MAPRE2: variants seen among roughly 807,000 people sequenced by gnomAD.
MAPRE2 encodes the protein microtubule-associated protein RP/EB family member 2.
A neutral mutation model predicts 43.2 loss-of-function variants in MAPRE2; 13 were observed. The observed-to-expected ratio is 0.30, with a 90% CI of 0.20 to 0.48. The LOEUF is 0.48. Ranked by LOEUF, MAPRE2 falls within the 20% of genes least tolerant of loss-of-function variation. MAPRE2 has a pLI of 0.99. For synonymous variants in MAPRE2, 135 were observed against 148.8 expected (o/e 0.91, Z 0.68); for missense variants, 161 against 400.2 (o/e 0.40, Z 5.10).
chr18:35,017,244 G>GTTTT (rs140257488), intron 2 of MAPRE2, among the ~76,000 whole-genome samples: 29 of 126,262 alleles, frequency 2.3e-4, no homozygotes, highest in African/African-American at 5.3e-4. Flanking sequence ...CGGTTTTGTT[G>GTTTT]TTTTTTTTTT....
chr18:35,123,935 C>T (rs961450465), intron 4 of MAPRE2, among the ~76,000 whole-genome samples: 1 of 152,180 alleles, frequency 6.6e-6, no homozygotes, highest in African/African-American at 2.4e-5. Context: ...TGTACCACAA[C>T]AGTGGAAAGT....
intron 2 of MAPRE2, among the ~76,000 whole-genome samples, chr18:35,092,802 A>G (rs1297503814): frequency 1.3e-5 from 2 of 152,216 alleles, no homozygotes; most frequent in Non-Finnish European, 2.9e-5. Flanking sequence ...ACATTTCTCA[A>G]AAGAAAACAT....
intron 4 of MAPRE2, among the ~76,000 whole-genome samples, chr18:35,102,615 T>C (rs945215865): frequency 6.6e-6 from 1 of 152,174 alleles, no homozygotes; most frequent in Non-Finnish European, 1.5e-5. Flanking sequence ...CTACCTCCTC[T>C]GTAGGCAGTG....
In MAPRE2 at chr18:34,998,772, A is replaced by ATTTTTTTTTTTTTTTTT. The variant is rs67933808; in HGVS notation, c.-69-6708_-69-6692dup. The stretch of plus-strand genomic sequence containing the variant: ...GCCACTGAGCCTGGCCGAAGTTGCA[A>ATTTTTTTTTTTTTTTTT]TTTTTTTTTTTTTTTTTTTTTTTTT... On this transcript the variant is annotated intron_variant, in intron 1 of 7. Transcript: ENST00000413393. Among the ~76,000 whole-genome samples the ATTTTTTTTTTTTTTTTT allele has an allele frequency of 4.1e-4, 38 of 93,724 alleles. 3 individuals carry two copies. The highest frequency in any genetic ancestry group is 1.4e-3 in the African/African-American group (29 of 20,168). 61.5% of individuals were successfully genotyped at this position (93,724 alleles called of 152,430 possible). A position where few individuals can be genotyped will look rare whatever the true frequency, so the allele number is the denominator to read the frequency against.
At chr18:35,044,792 G>A (rs1433395686) in intron 1 of MAPRE2, among the ~76,000 whole-genome samples, 2 of 152,106 alleles carry the variant, frequency 1.3e-5, no homozygotes, top group Non-Finnish European at 2.9e-5. Flanking sequence ...TTGTTAATGG[G>A]CAAGCAGTCA....
chr18:35,043,998 G>A (rs1209449029), intron 1 of MAPRE2, among the ~76,000 whole-genome samples: 1 of 152,144 alleles, frequency 6.6e-6, no homozygotes, highest in African/African-American at 2.4e-5. Flanking sequence ...AACTTGGAAG[G>A]CAATTTGAAA....
intron 1 of MAPRE2, 38 bp downstream of exon 1, chr18:35,041,699 C>T (rs750762699): frequency 1.2e-6 from 2 of 1,613,574 alleles, no homozygotes; most frequent in Admixed American, 1.7e-5. Flanking sequence ...CGGGGACCGC[C>T]GTGAGGGCGC....
intron 6 of MAPRE2, among the ~76,000 whole-genome samples, chr18:35,138,543 A>G (rs1048179571): frequency 3.3e-5 from 5 of 152,230 alleles, no homozygotes; most frequent in African/African-American, 1.2e-4. Flanking sequence ...TTGCACTTCT[A>G]GAATATATTC....
In MAPRE2 at chr18:35,140,518, G is replaced by A. The variant is rs778687708; in HGVS notation, c.*149G>A. The stretch of plus-strand genomic sequence containing the variant: ...CACTGTTGCATATGCCAGCCACTGC[G>A]CTTGGTTCCCATTTTCTTTGCCAAG... On this transcript the variant is annotated 3_prime_UTR_variant, in exon 7 of 7. Coordinates refer to ENST00000300249, the MANE Select transcript of MAPRE2 (RefSeq NM_014268.4). 9 of 759,934 alleles carry A rather than the reference G, an allele frequency of 1.2e-5. No homozygotes were observed. The highest frequency in any genetic ancestry group is 5.5e-5 in the East Asian group (2 of 36,544). The allele number at this position is 759,934 out of a possible 1,614,324, so 47.1% of individuals were successfully genotyped here.
upstream of MAPRE2, among the ~76,000 whole-genome samples, chr18:35,038,028 C>A (rs2097051589): frequency 6.6e-6 from 1 of 152,170 alleles, no homozygotes; most frequent in East Asian, 1.9e-4. Context: ...CTATGCTGAC[C>A]CCTACAGCTG....
chr18:35,119,960 G>T (rs189053124), intron 4 of MAPRE2, among the ~76,000 whole-genome samples: 3 of 152,176 alleles, frequency 2.0e-5, no homozygotes, highest in African/African-American at 7.2e-5. Flanking sequence ...CATTTATTGA[G>T]CACATGCTGT....
intron 1 of MAPRE2, among the ~76,000 whole-genome samples, chr18:35,053,273 A>G (rs1906045056): frequency 6.6e-6 from 1 of 152,166 alleles, no homozygotes; most frequent in South Asian, 2.1e-4. Flanking sequence ...ACTTGCCTGT[A>G]ATCCCAGCTA....
At chr18:35,072,269 A>C (rs774394567) in intron 2 of MAPRE2, among the ~76,000 whole-genome samples, 4 of 152,262 alleles carry the variant, frequency 2.6e-5, no homozygotes, top group Non-Finnish European at 4.4e-5. Flanking sequence ...CTATTTCTTC[A>C]CAATGCCTAA....
chr18:35,044,815 G>A (rs1461406424), intron 1 of MAPRE2, among the ~76,000 whole-genome samples: 1 of 152,200 alleles, frequency 6.6e-6, no homozygotes, highest in Non-Finnish European at 1.5e-5. Flanking sequence ...CTTTGGAGAA[G>A]GAGACATTAC....
At chr18:35,054,890 C>T (rs536446833) in intron 1 of MAPRE2, among the ~76,000 whole-genome samples, 12 of 152,072 alleles carry the variant, frequency 7.9e-5, no homozygotes, top group African/African-American at 2.4e-4. Context: ...ATGAAGTGAC[C>T]GTCAGTTCTA....
intron 2 of MAPRE2, among the ~76,000 whole-genome samples, chr18:35,093,783 A>G (rs1397043676): frequency 1.3e-5 from 2 of 152,140 alleles, no homozygotes; most frequent in East Asian, 1.9e-4. Flanking sequence ...AGAGGGAGGA[A>G]TGGAGAGAGA....
chr18:35,132,237 T>A, intron 6 of MAPRE2, 47 bp downstream of exon 6: 1 of 1,585,376 alleles, frequency 6.3e-7, no homozygotes, highest in Non-Finnish European at 8.6e-7. Context: ...ATGACTCTCT[T>A]GGTCAAAACA....
chr18:35,085,496 T>C lies in MAPRE2; in HGVS notation c.251-11950T>C, dbSNP rs1167336202. ...TTAATGTCAAGATCTCAAAGAGAAGTACATGGAAGATAGGGTCACCAGAAC... is the reference window on the plus strand; with the variant it reads ...TTAATGTCAAGATCTCAAAGAGAAGCACATGGAAGATAGGGTCACCAGAAC... On this transcript the variant is annotated intron_variant, in intron 2 of 6. Transcript: ENST00000300249. Among the ~76,000 whole-genome samples the C allele has an allele frequency of 2.6e-5, 4 of 152,204 alleles. No individual in the cohort carries two copies. In the South Asian group the frequency reaches 6.2e-4, roughly 24 times the overall value.
intron 2 of MAPRE2, among the ~76,000 whole-genome samples, chr18:35,013,981 A>G (rs1047190334): frequency 1.3e-5 from 2 of 152,132 alleles, no homozygotes; most frequent in Admixed American, 6.6e-5. Context: ...ACATGGGGGT[A>G]CAGATGTCTC....
Sources: allele counts gnomAD v4.1 joint callset (sites outside exome capture counted in the v4.1 genomes callset), GRCh38; gene constraint gnomAD v4.1.1; transcripts MANE v1.5; gene names NCBI Gene and HGNC (gene_info 2026-07-23, HGNC 2026-07-21).